TNR: variants seen among roughly 807,000 people sequenced by gnomAD.
TNR encodes the protein tenascin R, also known as tenascin-R.
TNR carries 45 observed loss-of-function variants against 150.4 expected under a neutral mutation model. The ratio of observed to expected loss-of-function variants is 0.30; its 90% CI spans 0.24 to 0.38. The LOEUF (loss-of-function observed/expected upper bound fraction) is 0.38, where lower values mean the gene tolerates loss of function less well. Among genes scored for constraint, TNR ranks in the 10% least tolerant of loss-of-function variants. The pLI, the probability that TNR is intolerant of heterozygous loss-of-function variation, is 1.00. For missense variants in TNR, 1,544 were observed against 1,759.1 expected, an observed-to-expected ratio of 0.88 and a Z score of 2.19; for synonymous variants, 687 against 678.4, an observed-to-expected ratio of 1.01 and a Z score of -0.20.
At position 175,317,652 on chromosome 1, in the gene TNR, C is replaced by T. The variant is rs888647264; in HGVS notation, c.*5705G>A. 3.3e-5 allele frequency: 5 copies of T among 152,260 alleles called. No homozygotes were observed. Among genetic ancestry groups the T allele is most frequent in the African/African-American group, 9.6e-5 (4 of 41,452 alleles). The allele number at this position is 152,260 out of a possible 1,614,324, so 9.4% of individuals were successfully genotyped here. The stretch of plus-strand genomic sequence containing the variant: ...CAGGGAAGATGTTTGCACCACCTGA[C>T]CTGAATCCATGGTGCCAGTGAGTGA... On this transcript the variant is annotated 3_prime_UTR_variant, in exon 23 of 23. Transcript: ENST00000367674.
intron 2 of TNR, among the ~76,000 whole-genome samples, chr1:175,416,908 T>C (rs1303336830): frequency 1.3e-5 from 2 of 152,024 alleles, no homozygotes; most frequent in Non-Finnish European, 2.9e-5. Context: ...CTCGGGAGGC[T>C]GAGGCAGGAG....
At chr1:175,480,137 C>G (rs1657717957) in intron 2 of TNR, among the ~76,000 whole-genome samples, 1 of 152,066 alleles carries the variant, frequency 6.6e-6, no homozygotes, top group African/African-American at 2.4e-5. Context: ...CTACATGTCT[C>G]TGGACTGATC....
chr1:175,736,944 C>A (rs903062557), intron 1 of TNR, among the ~76,000 whole-genome samples: 6 of 152,042 alleles, frequency 3.9e-5, no homozygotes, highest in Non-Finnish European at 8.8e-5. Flanking sequence ...TGGCTTGAGT[C>A]CAGGAGGTAG....
In TNR at chr1:175,315,329, T is replaced by C. The variant is rs1040015759; in HGVS notation, c.*8028A>G. 6.6e-6 allele frequency: 1 copy of C among 152,246 alleles called. No individual in the cohort carries two copies. Among genetic ancestry groups the C allele is most frequent in the Non-Finnish European group, 1.5e-5 (1 of 68,050 alleles). 9.4% of individuals were successfully genotyped at this position (152,246 alleles called of 1,614,324 possible). On this transcript the variant is annotated 3_prime_UTR_variant, in exon 23 of 23. Transcript: ENST00000367674. ...AGAGATTCCAGTCTTTGAGCTACAG[T>C]GCCATGAAAGGATCAGAGAAGTTGG...
At chr1:175,343,299 C>G (rs1193375087) in intron 18 of TNR, among the ~76,000 whole-genome samples, 2 of 152,162 alleles carry the variant, frequency 1.3e-5, no homozygotes, top group African/African-American at 4.8e-5. Context: ...ATGGAAAAGG[C>G]CAAACTTACT....
At chr1:175,459,325 A>G (rs996743094) in intron 2 of TNR, among the ~76,000 whole-genome samples, 1 of 152,132 alleles carries the variant, frequency 6.6e-6, no homozygotes, top group Non-Finnish European at 1.5e-5. Flanking sequence ...TACCTCCAAG[A>G]TTATTACTAC....
At chr1:175,572,715 A>AATAT (rs66935833) in intron 1 of TNR, among the ~76,000 whole-genome samples, 51 of 148,972 alleles carry the variant, frequency 3.4e-4, no homozygotes, top group East Asian at 1.9e-4. Flanking sequence ...ATATAGAGAG[A>AATAT]ATATATATAT....
chr1:175,507,399 C>T (rs1364847572), intron 2 of TNR, among the ~76,000 whole-genome samples: 2 of 152,166 alleles, frequency 1.3e-5, no homozygotes, highest in Non-Finnish European at 2.9e-5. Context: ...AATAGAACCA[C>T]AGCTAATGAT....
At chr1:175,413,513 A>C (rs1039540515) in intron 2 of TNR, among the ~76,000 whole-genome samples, 2 of 152,220 alleles carry the variant, frequency 1.3e-5, no homozygotes, top group Non-Finnish European at 2.9e-5. Flanking sequence ...TTTAAACCAC[A>C]TGCAAAACCT....
chr1:175,488,341 G>A (rs770513009), intron 2 of TNR, among the ~76,000 whole-genome samples: 3 of 152,214 alleles, frequency 2.0e-5, no homozygotes, highest in Non-Finnish European at 4.4e-5. Context: ...GCAAAGTTAG[G>A]TGGGAAGGGA....
At chr1:175,577,208 G>C (rs764321047) in intron 1 of TNR, among the ~76,000 whole-genome samples, 1 of 152,086 alleles carries the variant, frequency 6.6e-6, no homozygotes, top group Non-Finnish European at 1.5e-5. Flanking sequence ...AGACAATAGG[G>C]GCCCAGGGAA....
At chr1:175,450,853 G>T (rs1656273704) in intron 2 of TNR, among the ~76,000 whole-genome samples, 1 of 152,182 alleles carries the variant, frequency 6.6e-6, no homozygotes, top group South Asian at 2.1e-4. Context: ...CAGTTAAGTT[G>T]CATCCATCTA....
intron 1 of TNR, among the ~76,000 whole-genome samples, chr1:175,615,525 A>T (rs147249441): frequency 1.4e-4 from 22 of 152,342 alleles, no homozygotes; most frequent in African/African-American, 5.3e-4. Flanking sequence ...TCTGAGGGCC[A>T]CATCAAGGCC....
intron 9 of TNR, among the ~76,000 whole-genome samples, chr1:175,377,053 T>A (rs1211236102): frequency 6.6e-6 from 1 of 152,120 alleles, no homozygotes; most frequent in East Asian, 1.9e-4. Context: ...ATCTTCTGAC[T>A]GGGACTCGAA....
chr1:175,516,813 A>C (rs1659424339), intron 2 of TNR, among the ~76,000 whole-genome samples: 2 of 152,172 alleles, frequency 1.3e-5, no homozygotes, highest in Non-Finnish European at 2.9e-5. Flanking sequence ...AATACATTTT[A>C]TTTGTAGTGC....
At chr1:175,524,032 C>T (rs1659752554) in intron 2 of TNR, among the ~76,000 whole-genome samples, 1 of 152,124 alleles carries the variant, frequency 6.6e-6, no homozygotes, top group Admixed American at 6.6e-5. Context: ...CTTGGGTCCC[C>T]CATTTGCTGG....
chr1:175,382,521 G>T (rs1436559159), intron 8 of TNR, among the ~76,000 whole-genome samples: 2 of 152,224 alleles, frequency 1.3e-5, no homozygotes, highest in Non-Finnish European at 2.9e-5. Flanking sequence ...GCAGCTAGGG[G>T]CTTGAACTGT....
chr1:175,544,033 A>C (rs781504221), intron 1 of TNR, among the ~76,000 whole-genome samples: 24 of 152,228 alleles, frequency 1.6e-4, no homozygotes, highest in Admixed American at 3.9e-4. Context: ...AGGGTGCAAG[A>C]CAGACAGCAG....
chr1:175,452,755 C>G (rs1656384126), intron 2 of TNR, among the ~76,000 whole-genome samples: 1 of 152,208 alleles, frequency 6.6e-6, no homozygotes, highest in African/African-American at 2.4e-5. Flanking sequence ...CTGCACACTA[C>G]TGTTTGTAGC....
Sources: gnomAD v4.1 joint callset for allele counts (sites outside exome capture counted in the v4.1 genomes callset) on GRCh38, gnomAD v4.1.1 for gene constraint, MANE v1.5 for transcripts, NCBI Gene and HGNC (gene_info 2026-07-23, HGNC 2026-07-21) for gene names.